Variants in GLIS3 observed in about 807,000 individuals in gnomAD.
The protein encoded by GLIS3 is zinc finger protein GLIS3.
In GLIS3, 53 loss-of-function variants were observed where a neutral mutation model predicts 78.6. The ratio of observed to expected loss-of-function variants is 0.67; its 90% confidence interval spans 0.54 to 0.85. GLIS3 has a LOEUF of 0.85. Ranked by LOEUF, GLIS3 falls within the 40% of genes least tolerant of loss-of-function variation. The pLI, the probability that GLIS3 is intolerant of heterozygous loss-of-function variation, is 0.00. For synonymous variants in GLIS3, 684 were observed against 509.9 expected (o/e 1.34, Z -4.60); for missense variants, 1,703 against 1,231.1 (o/e 1.38, Z -5.74).
At chr9:4,068,516 A>C (rs941208125) in intron 4 of GLIS3, among the ~76,000 whole-genome samples, 1 of 152,208 alleles carries the variant, frequency 6.6e-6, no homozygotes, top group Non-Finnish European at 1.5e-5. Flanking sequence ...TGAGCAGTGA[A>C]TTTATATCCT....
chr9:4,126,481 A>AT (rs5896047), intron 2 of GLIS3, among the ~76,000 whole-genome samples: 56,218 of 152,014 alleles, frequency 0.37, 10,782 homozygotes, highest in South Asian at 0.43. Flanking sequence ...CATCTACTCA[A>AT]TTTTTTAAAA....
intron 2 of GLIS3, among the ~76,000 whole-genome samples, chr9:4,231,575 C>G (rs1008678616): frequency 6.6e-6 from 1 of 151,988 alleles, no homozygotes; most frequent in Non-Finnish European, 1.5e-5. Context: ...TATGATGGAA[C>G]AGAAAAACAT....
chr9:4,083,439 G>C (rs182444013), intron 4 of GLIS3, among the ~76,000 whole-genome samples: 33 of 152,118 alleles, frequency 2.2e-4, no homozygotes, highest in Middle Eastern at 3.4e-3. Flanking sequence ...TCCCAGCCTT[G>C]AATTTGTCCT....
intron 6 of GLIS3, 133 bp from the exon 7 acceptor site, chr9:3,898,968 C>T: frequency 9.9e-7 from 1 of 1,007,322 alleles, no homozygotes; most frequent in Non-Finnish European, 1.5e-6. Flanking sequence ...GGGTAAGGCA[C>T]AGAGCTTAAC....
At chr9:4,380,991 G>T in the GLIS3 span, among the ~76,000 whole-genome samples, 1 of 152,148 alleles carries the variant, frequency 6.6e-6, no homozygotes, top group South Asian at 2.1e-4. Context: ...GGGAGGACAG[G>T]CAGAAATGGC....
chr9:4,047,103 G>A (rs1825313374), intron 4 of GLIS3, among the ~76,000 whole-genome samples: 2 of 152,168 alleles, frequency 1.3e-5, no homozygotes, highest in Admixed American at 6.5e-5. Context: ...CCTGCTGGAA[G>A]GTGACTGGAT....
intron 4 of GLIS3, among the ~76,000 whole-genome samples, chr9:4,078,833 T>C (rs567454614): frequency 2.8e-4 from 43 of 152,324 alleles, no homozygotes; most frequent in African/African-American, 9.6e-4. Context: ...TTAGCTACTT[T>C]AGAACTCAGA....
intron 4 of GLIS3, among the ~76,000 whole-genome samples, chr9:3,975,785 A>G (rs558201531): frequency 6.6e-6 from 1 of 152,284 alleles, no homozygotes; most frequent in Non-Finnish European, 1.5e-5. Context: ...ATCATCATAT[A>G]AAGACCCCAC....
At chr9:4,279,859 A>T (rs775053116) in intron 2 of GLIS3, among the ~76,000 whole-genome samples, 3 of 152,062 alleles carry the variant, frequency 2.0e-5, no homozygotes, top group Non-Finnish European at 2.9e-5. Flanking sequence ...GGCTAAAGAG[A>T]TATGACAACC....
At chr9:4,387,321 T>C in the GLIS3 span, among the ~76,000 whole-genome samples, 1 of 152,148 alleles carries the variant, frequency 6.6e-6, no homozygotes, top group Non-Finnish European at 1.5e-5. Context: ...CCCCTTTTTT[T>C]GGTCAGGTTC....
the GLIS3 span, among the ~76,000 whole-genome samples, chr9:4,474,985 A>ATTTT: frequency 0.02 from 2,275 of 114,168 alleles, 266 homozygotes; most frequent in African/African-American, 0.051. Flanking sequence ...GACTATGTTA[A>ATTTT]TTTTTTTTTC....
intron 4 of GLIS3, among the ~76,000 whole-genome samples, chr9:4,108,742 A>G (rs1218162592): frequency 2.0e-5 from 3 of 152,184 alleles, no homozygotes; most frequent in African/African-American, 7.2e-5. Flanking sequence ...CAGAAAAGAT[A>G]ACTGTCTGGT....
Position 4,239,667 on chromosome 9 carries a change from G to C in GLIS3, c.388+46371C>G, listed in dbSNP as rs147659718. Among the ~76,000 whole-genome samples the C allele has an allele frequency of 2.2e-4, 34 of 152,318 alleles. No homozygotes were observed. The East Asian group carries it at 5.8e-3, about 26-fold the overall frequency. Reference sequence around the variant, plus strand: ...ACTGGATCTGAATAAGTGATCTAAAGATTGTTTCTGACTTTTCCATTACCT... The same window carrying C: ...ACTGGATCTGAATAAGTGATCTAAACATTGTTTCTGACTTTTCCATTACCT... On this transcript the variant is annotated intron_variant, in intron 2 of 10. Coordinates refer to ENST00000381971, the MANE Select transcript of GLIS3 (RefSeq NM_001042413.2).
chr9:4,040,951 C>T (rs935057892), intron 4 of GLIS3, among the ~76,000 whole-genome samples: 6 of 152,172 alleles, frequency 3.9e-5, no homozygotes, highest in Admixed American at 3.3e-4. Context: ...ACTCCAGACC[C>T]AGGGAAGGAG....
At chr9:4,426,831 G>A in the GLIS3 span, among the ~76,000 whole-genome samples, 1 of 152,170 alleles carries the variant, frequency 6.6e-6, no homozygotes, top group African/African-American at 2.4e-5. Flanking sequence ...AGTTGTGTAA[G>A]GATCAAATGA....
chr9:4,444,244 C>T, the GLIS3 span, among the ~76,000 whole-genome samples: 1 of 152,216 alleles, frequency 6.6e-6, no homozygotes, highest in African/African-American at 2.4e-5. Context: ...AGATACACCA[C>T]TTATCTTAAT....
chr9:4,141,785 T>G (rs1833837031), intron 2 of GLIS3, among the ~76,000 whole-genome samples: 1 of 152,048 alleles, frequency 6.6e-6, no homozygotes, highest in South Asian at 2.1e-4. Context: ...TCACATAACT[T>G]TAACTAAAAT....
chr9:3,873,424 C>T (rs1588129889), intron 8 of GLIS3, among the ~76,000 whole-genome samples: 1 of 152,046 alleles, frequency 6.6e-6, no homozygotes, highest in East Asian at 1.9e-4. Context: ...ATATGCAAAT[C>T]AATAAATGGG....
At chr9:4,391,865 A>G in the GLIS3 span, among the ~76,000 whole-genome samples, 2 of 152,246 alleles carry the variant, frequency 1.3e-5, no homozygotes, top group Non-Finnish European at 2.9e-5. Context: ...ACCTAGAACC[A>G]GAAATACCAT....
Sources: gnomAD v4.1 joint callset for allele counts (sites outside exome capture counted in the v4.1 genomes callset) on GRCh38, gnomAD v4.1.1 for gene constraint, MANE v1.5 for transcripts, NCBI Gene and HGNC (gene_info 2026-07-23, HGNC 2026-07-21) for gene names.